ZNF644: variants seen among roughly 807,000 people sequenced by gnomAD.
ZNF644 encodes the protein zinc finger motif enhancer binding protein 2.
ZNF644 carries 20 observed loss-of-function variants against 108.0 expected under a neutral mutation model. That is an observed-to-expected ratio of 0.19 (90% CI 0.13 to 0.27). The LOEUF (loss-of-function observed/expected upper bound fraction) is 0.27, where lower values mean the gene tolerates loss of function less well. Among genes scored for constraint, ZNF644 ranks in the 10% least tolerant of loss-of-function variants. ZNF644 has a pLI of 1.00. For missense variants in ZNF644, 1,338 were observed against 1,548.9 expected, an observed-to-expected ratio of 0.86 and a Z score of 2.29; for synonymous variants, 542 against 539.1, an observed-to-expected ratio of 1.01 and a Z score of -0.08.
At chr1:90,996,144 C>T (rs191660728) in intron 1 of ZNF644, among the ~76,000 whole-genome samples, 76 of 152,212 alleles carry the variant, frequency 5.0e-4, no homozygotes, top group African/African-American at 1.6e-3. Flanking sequence ...AAAATCACTA[C>T]GAGATAACCC....
At chr1:90,933,523 G>A (rs1031598083) in intron 4 of ZNF644, among the ~76,000 whole-genome samples, 1 of 152,000 alleles carries the variant, frequency 6.6e-6, no homozygotes, top group African/African-American at 2.4e-5. Flanking sequence ...AATTTGCCAG[G>A]CATGATGGCA....
At chr1:91,016,500 G>A (rs1660444608) in intron 1 of ZNF644, among the ~76,000 whole-genome samples, 1 of 152,104 alleles carries the variant, frequency 6.6e-6, no homozygotes, top group South Asian at 2.1e-4. Context: ...TAACTGTTTA[G>A]TATTTGTGTA....
At chr1:90,985,626 A>G (rs1657014163) in intron 1 of ZNF644, among the ~76,000 whole-genome samples, 1 of 152,202 alleles carries the variant, frequency 6.6e-6, no homozygotes, top group Non-Finnish European at 1.5e-5. Context: ...GTTGTTGCAA[A>G]TAACAGAATT....
At chr1:90,948,587 A>C (rs1652752680) in intron 2 of ZNF644, among the ~76,000 whole-genome samples, 1 of 152,184 alleles carries the variant, frequency 6.6e-6, no homozygotes. Context: ...GCCCTCCTTA[A>C]ATGTAGGTTT....
intron 1 of ZNF644, among the ~76,000 whole-genome samples, chr1:91,007,219 C>CGTTTTTTTTTTTTTTT (rs1557658445): frequency 8.8e-6 from 1 of 114,248 alleles, no homozygotes; most frequent in Non-Finnish European, 1.8e-5. Context: ...CATTTTCTCC[C>CGTTTTTTTTTTTTTTT]ATTTTGTTTT....
At chr1:91,018,122 G>A (rs1481454764) in intron 1 of ZNF644, among the ~76,000 whole-genome samples, 1 of 152,162 alleles carries the variant, frequency 6.6e-6, no homozygotes, top group Non-Finnish European at 1.5e-5. Flanking sequence ...TTAATTTAGA[G>A]TCTTACTACC....
At chr1:90,985,483 G>A (rs1415885385) in intron 1 of ZNF644, among the ~76,000 whole-genome samples, 1 of 152,020 alleles carries the variant, frequency 6.6e-6, no homozygotes, top group Non-Finnish European at 1.5e-5. Flanking sequence ...CCAGCCTCAG[G>A]TAAACACCAT....
intron 1 of ZNF644, among the ~76,000 whole-genome samples, chr1:91,004,669 G>C (rs1315667895): frequency 6.6e-6 from 1 of 152,084 alleles, no homozygotes; most frequent in Non-Finnish European, 1.5e-5. Flanking sequence ...AGGTATAAAA[G>C]GATGTATGTA....
chr1:90,999,778 G>C (rs963167389), intron 1 of ZNF644, among the ~76,000 whole-genome samples: 7 of 152,180 alleles, frequency 4.6e-5, no homozygotes, highest in East Asian at 1.9e-4. Context: ...TCAGTGTGCT[G>C]TATTCAGAAG....
At chr1:90,984,830 T>TA (rs1283791402) in intron 1 of ZNF644, among the ~76,000 whole-genome samples, 8 of 152,120 alleles carry the variant, frequency 5.3e-5, no homozygotes, top group African/African-American at 1.9e-4. Context: ...TGTGAGAAAA[T>TA]AAATTTCTGT....
rs1329386526 is a variant in ZNF644, at chr1:90,974,974, TTC to T, written c.44+7334_44+7335del. Among the ~76,000 whole-genome samples, 3 of 152,284 alleles carry T rather than the reference TTC, an allele frequency of 2.0e-5. 1 individual carries two copies. The highest frequency in any genetic ancestry group is 1.9e-4 in the East Asian group (1 of 5,180). ...TATTTCAGTTCCAGCAATCTTCCCT[TTC>T]TGTTACCTCTCATCCTTTGAACATG... On this transcript the variant is annotated intron_variant, in intron 2 of 5. Transcript: ENST00000337393.
rs144325718 is a variant in ZNF644, at chr1:91,013,644, C to A, written c.-18+8346G>T. On this transcript the variant is annotated intron_variant, in intron 1 of 5. Coordinates refer to ENST00000337393, the MANE Select transcript of ZNF644 (RefSeq NM_201269.3). The stretch of plus-strand genomic sequence containing the variant: ...ATTTTCTGTTCTCAGCTATCCTTTA[C>A]GGTTCAGTTCAATTTCTATGTTATT... Among the ~76,000 whole-genome samples, 18 of 152,166 alleles carry A rather than the reference C, an allele frequency of 1.2e-4. No homozygotes were observed. The East Asian group carries it at 3.3e-3, about 28-fold the overall frequency.
At chr1:91,005,571 T>G (rs527286193) in intron 1 of ZNF644, among the ~76,000 whole-genome samples, 2 of 152,198 alleles carry the variant, frequency 1.3e-5, no homozygotes, top group South Asian at 4.1e-4. Flanking sequence ...ATAAAAATCA[T>G]AGAGAGTACG....
intron 4 of ZNF644, among the ~76,000 whole-genome samples, chr1:90,923,507 G>T (rs962986790): frequency 3.3e-5 from 5 of 152,066 alleles, no homozygotes; most frequent in Admixed American, 2.0e-4. Flanking sequence ...AAAAAGCAAT[G>T]TTTCCCTTAC....
In ZNF644 at chr1:90,940,522, T is replaced by C. The variant is rs1651848591; in HGVS notation, c.832A>G (p.Lys278Glu). ...FLMTNEETVDKAPPHSKIGLE... is the reference protein window; with the variant it reads ...FLMTNEETVDEAPPHSKIGLE... ...CCTATTTTAGAATGAGGTGGAGCTT[T>C]ATCTACTGTTTCCTCATTAGTCATA... The change falls in exon 3 of 6, where the codon AAA becomes GAA. Residue 278 changes from lysine to glutamate, a missense_variant. This residue lies in a region of ZNF644 where 464 missense variants were observed against 457.9 expected (regional missense o/e 1.01). Transcript: ENST00000337393. 1.2e-6 allele frequency: 2 copies of C among 1,614,036 alleles called. No homozygotes were observed. Among genetic ancestry groups the C allele is most frequent in the Admixed American group, 1.7e-5 (1 of 60,002 alleles).
chr1:91,016,232 CCT>C (rs1660422640), intron 1 of ZNF644, among the ~76,000 whole-genome samples: 1 of 152,144 alleles, frequency 6.6e-6, no homozygotes, highest in African/African-American at 2.4e-5. Context: ...GGGAATTACC[CCT>C]CTCCTCCCCA....
chr1:90,922,623 G>A lies in ZNF644; in HGVS notation c.3689-4469C>T, dbSNP rs192817251. ...CTTTATTTTAACTTCAGGGGTACACGTGCAGGTTTGTTATATAGGTAAATT... is the reference window on the plus strand; with the variant it reads ...CTTTATTTTAACTTCAGGGGTACACATGCAGGTTTGTTATATAGGTAAATT... On this transcript the variant is annotated intron_variant, in intron 4 of 5. Transcript: ENST00000337393. Among the ~76,000 whole-genome samples, 303 of 152,144 alleles carry A rather than the reference G, an allele frequency of 2.0e-3. 2 individuals carry two copies. The highest frequency in any genetic ancestry group is 9.8e-3 in the Admixed American group (149 of 15,280).
At chr1:91,019,565 G>A (rs934856776) in intron 1 of ZNF644, among the ~76,000 whole-genome samples, 8 of 152,094 alleles carry the variant, frequency 5.3e-5, no homozygotes, top group African/African-American at 1.9e-4. Flanking sequence ...CACAGAATAT[G>A]AAAGTTTTTT....
intron 1 of ZNF644, among the ~76,000 whole-genome samples, chr1:91,006,485 C>T (rs957528927): frequency 2.0e-5 from 3 of 152,154 alleles, no homozygotes; most frequent in Non-Finnish European, 4.4e-5. Flanking sequence ...AACACTATTC[C>T]TTCTCAAACT....
Sources: allele counts gnomAD v4.1 joint callset (sites outside exome capture counted in the v4.1 genomes callset), GRCh38; gene constraint gnomAD v4.1.1; regional missense constraint gnomAD v4.1.1; transcripts MANE v1.5; gene names NCBI Gene and HGNC (gene_info 2026-07-23, HGNC 2026-07-21).